Variants in CNP observed in about 807,000 individuals in gnomAD.
The protein encoded by CNP is 2',3'-cyclic nucleotide 3' phosphodiesterase, also known as 2',3'-cyclic-nucleotide 3'-phosphodiesterase.
Under a neutral mutation model 37.9 loss-of-function variants are expected in CNP, and 8 were observed. That is an observed-to-expected ratio of 0.21 (90% CI 0.12 to 0.38). CNP has a LOEUF of 0.38. Among genes scored for constraint, CNP ranks in the 10% least tolerant of loss-of-function variants. The pLI is 1.00. For synonymous variants in CNP, 237 were observed against 238.3 expected (o/e 0.99, Z 0.05); for missense variants, 457 against 551.0 (o/e 0.83, Z 1.71).
chr17:41,977,229 TG>T lies in CNP; in HGVS notation c.*3308del, dbSNP rs782328252. ...GCAATGAGTGTGTTGGCTTGTGATC[TG>T]GGAACTCCCAAGAACAGCAGGCCCA... On this transcript the variant is annotated 3_prime_UTR_variant, in exon 4 of 4. Coordinates refer to ENST00000393892, the MANE Select transcript of CNP (RefSeq NM_033133.5). The T allele has an allele frequency of 1.3e-6, 2 of 1,566,316 alleles. No homozygotes were observed. Among genetic ancestry groups the T allele is most frequent in the South Asian group, 2.4e-5 (2 of 84,854 alleles).
At position 41,968,602 on chromosome 17, in the gene CNP, G is replaced by A. The variant is rs781874635; in HGVS notation, c.538G>A (p.Gly180Arg). ...TGATGACCTGAAGAAGCTGAAGCCT[G>A]GGCTGGAGAAGGACTTCCTGCCGCT... ...SADDLKKLKP[G>R]LEKDFLPLYF... The change falls in exon 2 of 4, where the codon GGG (glycine) becomes AGG (arginine). Residue 180 changes from glycine to arginine, a missense_variant. This residue lies in a region of CNP where 166 missense variants were observed against 259.3 expected (regional missense o/e 0.64). Coordinates refer to ENST00000393892, the MANE Select transcript of CNP (RefSeq NM_033133.5). This position sits in a 1 kb window ranked among gnomAD's most constrained non-coding sequence, Gnocchi z 4.8. 1 of 1,614,156 alleles carries A rather than the reference G, an allele frequency of 6.2e-7. No individual in the cohort carries two copies. Among genetic ancestry groups the A allele is most frequent in the South Asian group, 1.1e-5 (1 of 91,078 alleles).
chr17:41,973,947 C>T lies in CNP; in HGVS notation c.*23C>T. ...TGAGTGTTCTCACCACCACTTATGCCCCTAGAAGGGAAGGGGAGAGGGAAA... is the reference window on the plus strand; with the variant it reads ...TGAGTGTTCTCACCACCACTTATGCTCCTAGAAGGGAAGGGGAGAGGGAAA... On this transcript the variant is annotated 3_prime_UTR_variant, in exon 4 of 4. Transcript: ENST00000393892. 6.9e-7 allele frequency: 1 copy of T among 1,452,014 alleles called. No individual in the cohort carries two copies. Among genetic ancestry groups the T allele is most frequent in the South Asian group, 1.5e-5 (1 of 65,420 alleles). The allele number at this position is 1,452,014 out of a possible 1,614,324, so 89.9% of individuals were successfully genotyped here.
At chr17:41,969,888 G>C (rs2050959916) in intron 2 of CNP, among the ~76,000 whole-genome samples, 1 of 152,184 alleles carries the variant, frequency 6.6e-6, no homozygotes. Context: ...CTTCATGCCT[G>C]AAATAGCCCC....
chr17:41,966,974 C>CGAG (rs1217602217), intron 1 of CNP, 87 bp downstream of exon 1: 2 of 1,247,998 alleles, frequency 1.6e-6, no homozygotes, highest in East Asian at 6.3e-5. Flanking sequence ...GTCTTGCAAA[C>CGAG]GAGGACCCGG....
intron 3 of CNP, 112 bp downstream of exon 3, chr17:41,972,143 A>T (rs2050999587): frequency 7.4e-7 from 1 of 1,347,236 alleles, no homozygotes; most frequent in African/African-American, 1.5e-5. Context: ...ACCAGATGGC[A>T]GCTCAAGAAA....
Position 41,969,744 on chromosome 17 carries a change from C to A in CNP, c.676+1004C>A, listed in dbSNP as rs919392050. 2.0e-5 allele frequency among the ~76,000 whole-genome samples: 3 copies of A among 152,098 alleles called. No individual in the cohort carries two copies. The South Asian group carries it at 6.2e-4, about 32-fold the overall frequency. ...CTAATTTTTGTATTTTTAGTAGAGA[C>A]GGAGTTTCACAATGTTGGCCAGGCT... On this transcript the variant is annotated intron_variant, in intron 2 of 3. Coordinates refer to ENST00000393892, the MANE Select transcript of CNP (RefSeq NM_033133.5).
At chr17:41,969,421 C>A (rs1555643476) in intron 2 of CNP, among the ~76,000 whole-genome samples, 2 of 152,204 alleles carry the variant, frequency 1.3e-5, no homozygotes, top group African/African-American at 2.4e-5. Context: ...TCTCTCTTGG[C>A]ATGGGCTTTT....
At position 41,968,311 on chromosome 17, in the gene CNP, G is replaced by A. The variant is rs902752168; in HGVS notation, c.247G>A (p.Ala83Thr). ...KYRDGTKMVSADAYKITPGAR... is the reference protein window; with the variant it reads ...KYRDGTKMVSTDAYKITPGAR... ...CCGTGATGGCACCAAGATGGTGTCG[G>A]CTGACGCTTACAAGATCACCCCCGG... The change falls in exon 2 of 4, where the codon GCT becomes ACT. Residue 83 changes from alanine to threonine, a missense_variant. This residue lies in a region of CNP where 166 missense variants were observed against 259.3 expected (regional missense o/e 0.64). Transcript: ENST00000393892. The surrounding 1 kb of genome is among the most constrained non-coding windows in gnomAD (Gnocchi z 4.8). 1 of 1,614,084 alleles carries A rather than the reference G, an allele frequency of 6.2e-7. No individual in the cohort carries two copies. The highest frequency in any genetic ancestry group is 8.5e-7 in the Non-Finnish European group (1 of 1,179,984).
Position 41,977,170 on chromosome 17 carries a change from G to T in CNP, c.*3246G>T. 1 of 1,292,076 alleles carries T rather than the reference G, an allele frequency of 7.7e-7. No individual in the cohort carries two copies. Among genetic ancestry groups the T allele is most frequent in the Non-Finnish European group, 1.1e-6 (1 of 920,280 alleles). 80.0% of individuals were successfully genotyped at this position (1,292,076 alleles called of 1,614,324 possible). On this transcript the variant is annotated 3_prime_UTR_variant, in exon 4 of 4. Transcript: ENST00000393892. ...TGAGAATTCAGCTGCCCCCGCTCAT[G>T]GGCCCCTCTGACTCCCAAAGAGCTG...
intron 1 of CNP, 113 bp from the exon 2 acceptor site, chr17:41,967,955 T>A: frequency 6.6e-7 from 1 of 1,510,614 alleles, no homozygotes; most frequent in Admixed American, 2.3e-5. Context: ...GGAAAGAAGG[T>A]CCAGCACTGC....
Position 41,966,834 on chromosome 17 carries a change from C to A in CNP, c.-51C>A. 1 of 1,376,970 alleles carries A rather than the reference C, an allele frequency of 7.3e-7. No homozygotes were observed. The highest frequency in any genetic ancestry group is 9.4e-7 in the Non-Finnish European group (1 of 1,066,946). 85.3% of individuals were successfully genotyped at this position (1,376,970 alleles called of 1,614,324 possible). A position where few individuals can be genotyped will look rare whatever the true frequency, so the allele number is the denominator to read the frequency against. On this transcript the variant is annotated 5_prime_UTR_variant, in exon 1 of 4. Transcript: ENST00000393892. ...GTGTCCCTCCGCGCAGGCGGGCGGC[C>A]CCGGAGCGCTGGTGCCGGCAGAGGC...
rs1555643859 is a variant in CNP, at chr17:41,971,889, C to T, written c.677-3C>T. 6.2e-7 allele frequency: 1 copy of T among 1,613,568 alleles called. No homozygotes were observed. The highest frequency in any genetic ancestry group is 1.3e-5 in the African/African-American group (1 of 74,816). On this transcript the variant is annotated splice_polypyrimidine_tract_variant and splice_region_variant and intron_variant, in intron 2 of 3. Transcript: ENST00000393892. ...CCTGACTGCACCCGTTTTCTCCCGG[C>T]AGTCGTCCCTGGGGATGAGCCCAGG...
At position 41,973,672 on chromosome 17, in the gene CNP, C is replaced by T. The variant is rs200478952; in HGVS notation, c.1014C>T (p.Asp338=). 103 of 1,613,796 alleles carry T rather than the reference C, an allele frequency of 6.4e-5. No individual in the cohort carries two copies. The highest frequency in any genetic ancestry group is 3.8e-4 in the East Asian group (17 of 44,894). Residue 338 remains aspartate (D), a synonymous_variant, in exon 4 of 4, where the codon GAC becomes GAT. Coordinates refer to ENST00000393892, the MANE Select transcript of CNP (RefSeq NM_033133.5). ...RAHITLGCAA[D]VEAVQTGLDL... is the part of the protein sequence containing the mutation. ...ACATCACCCTCGGCTGTGCAGCTGA[C>T]GTAGAGGCCGTGCAGACGGGCCTTG...
chr17:41,968,370 G>A lies in CNP; in HGVS notation c.306G>A (p.Arg102=), dbSNP rs1567945387. 6.2e-7 allele frequency: 1 copy of A among 1,614,044 alleles called. No homozygotes were observed. Residue 102 remains arginine, a synonymous_variant, in exon 2 of 4, where the codon CGG becomes CGA. Coordinates refer to ENST00000393892, the MANE Select transcript of CNP (RefSeq NM_033133.5). The surrounding 1 kb of genome is among the most constrained non-coding windows in gnomAD (Gnocchi z 4.8). ...GAGCCTTCTCCGAGGAGTACAAGCG[G>A]CTCGATGAGGACCTGGCTGCCTACT... ...ARGAFSEEYK[R]LDEDLAAYCR...
At position 41,976,600 on chromosome 17, in the gene CNP, G is replaced by A; in HGVS notation, c.*2676G>A. The A allele has an allele frequency of 1.7e-6, 2 of 1,152,294 alleles. No individual in the cohort carries two copies. The highest frequency in any genetic ancestry group is 1.5e-5 in the South Asian group (1 of 67,546). The allele number at this position is 1,152,294 out of a possible 1,614,324, so 71.4% of individuals were successfully genotyped here. A position where few individuals can be genotyped will look rare whatever the true frequency, so the allele number is the denominator to read the frequency against. On this transcript the variant is annotated 3_prime_UTR_variant, in exon 4 of 4. Coordinates refer to ENST00000393892, the MANE Select transcript of CNP (RefSeq NM_033133.5). ...GCTCCACCCCACTCACAGAGACACA[G>A]GGCATCCAACTGAGAAAACGAAACT... is the stretch of plus-strand genomic sequence containing the variant.
chr17:41,966,935 A>C (rs996853866), intron 1 of CNP, 48 bp downstream of exon 1: 25 of 1,295,278 alleles, frequency 1.9e-5, no homozygotes, highest in Admixed American at 4.2e-5. Context: ...AGGGCGGGAA[A>C]CGAGTGTCGG....
Position 41,977,193 on chromosome 17 carries a change from C to A in CNP, c.*3269C>A. On this transcript the variant is annotated 3_prime_UTR_variant, in exon 4 of 4. Coordinates refer to ENST00000393892, the MANE Select transcript of CNP (RefSeq NM_033133.5). ...ATGGGCCCCTCTGACTCCCAAAGAG[C>A]TGCCTAAGAGGCAATGAGTGTGTTG... 7 of 1,471,702 alleles carry A rather than the reference C, an allele frequency of 4.8e-6. No individual in the cohort carries two copies. The South Asian group carries it at 8.6e-5, about 18-fold the overall frequency. 91.2% of individuals were successfully genotyped at this position (1,471,702 alleles called of 1,614,324 possible). A position where few individuals can be genotyped will look rare whatever the true frequency, so the allele number is the denominator to read the frequency against.
chr17:41,973,279 A>G (rs2051017737), intron 3 of CNP, among the ~76,000 whole-genome samples, 196 bp from the exon 4 acceptor site: 1 of 152,018 alleles, frequency 6.6e-6, no homozygotes, highest in African/African-American at 2.4e-5. Context: ...CGTGTTTCTC[A>G]CTTGAGCCTG....
At position 41,966,853 on chromosome 17, in the gene CNP, C is replaced by T. The variant is rs1055559482; in HGVS notation, c.-32C>T. 2.2e-5 allele frequency: 30 copies of T among 1,369,234 alleles called. No homozygotes were observed. The African/African-American group carries it at 4.4e-4, about 20-fold the overall frequency. The allele number at this position is 1,369,234 out of a possible 1,614,324, so 84.8% of individuals were successfully genotyped here. ...GGCGGCCCCGGAGCGCTGGTGCCGG[C>T]AGAGGCGGCGACGGTGGCGCCCCTC... is the stretch of plus-strand genomic sequence containing the variant. On this transcript the variant is annotated 5_prime_UTR_variant, in exon 1 of 4. Transcript: ENST00000393892.
Sources: gnomAD v4.1 joint callset for allele counts (sites outside exome capture counted in the v4.1 genomes callset) on GRCh38, gnomAD v4.1.1 for gene constraint, gnomAD v4.1.1 regional missense constraint, Gnocchi (gnomAD v3.1) non-coding constraint, MANE v1.5 for transcripts, NCBI Gene and HGNC (gene_info 2026-07-23, HGNC 2026-07-21) for gene names.